The following PRKG1 variants were observed in gnomAD, a reference collection of about 807,000 sequenced individuals.
PRKG1 encodes protein kinase cGMP-dependent 1, also known as cGMP-dependent protein kinase 1.
PRKG1 carries 35 observed loss-of-function variants against 88.1 expected under a neutral mutation model. The observed-to-expected ratio is 0.40, with a 90% CI of 0.30 to 0.53. The LOEUF is 0.53. Ranked by LOEUF, PRKG1 falls within the 20% of genes least tolerant of loss-of-function variation. The probability of loss-of-function intolerance (pLI) is 0.59; values close to 1 mark genes in which losing one functional copy is unlikely to be tolerated. For missense variants in PRKG1, 540 were observed against 839.8 expected (o/e 0.64, Z 4.41); for synonymous variants, 303 against 292.5 (o/e 1.04, Z -0.37).
chr10:52,224,050 T>C (rs1243147467), intron 9 of PRKG1, among the ~76,000 whole-genome samples: 1 of 152,112 alleles, frequency 6.6e-6, no homozygotes, highest in Non-Finnish European at 1.5e-5. Context: ...TAATATAAAT[T>C]AGAGGACAAA....
intron 1 of PRKG1, among the ~76,000 whole-genome samples, chr10:51,000,745 T>A (rs1013926752): frequency 4.0e-5 from 6 of 150,768 alleles, no homozygotes; most frequent in Non-Finnish European, 8.9e-5. Context: ...GTTCATAGAT[T>A]TTTTTTTTTA....
At chr10:51,215,704 T>G (rs1838354571) in intron 2 of PRKG1, among the ~76,000 whole-genome samples, 1 of 152,354 alleles carries the variant, frequency 6.6e-6, no homozygotes, top group South Asian at 2.1e-4. Flanking sequence ...TCCATCCCTC[T>G]CTTCTTCCCT....
intron 4 of PRKG1, among the ~76,000 whole-genome samples, chr10:51,871,140 T>G (rs1841147334): frequency 6.6e-6 from 1 of 152,196 alleles, no homozygotes; most frequent in South Asian, 2.1e-4. Flanking sequence ...TGTGGGTCAT[T>G]TAATTGATTT....
intron 4 of PRKG1, 74 bp downstream of exon 4, chr10:51,804,764 G>A: frequency 9.6e-7 from 1 of 1,037,854 alleles, no homozygotes; most frequent in South Asian, 1.4e-5. Context: ...GCAGCACCCT[G>A]AATTTCAGGG....
At chr10:52,284,530 A>G (rs1842069822) in intron 14 of PRKG1, among the ~76,000 whole-genome samples, 2 of 151,984 alleles carry the variant, frequency 1.3e-5, no homozygotes, top group South Asian at 4.1e-4. Context: ...TAAAACAAGT[A>G]GGATGATCTT....
chr10:51,744,829 C>T (rs1316403985), intron 3 of PRKG1, among the ~76,000 whole-genome samples: 4 of 152,126 alleles, frequency 2.6e-5, no homozygotes, highest in Admixed American at 6.5e-5. Flanking sequence ...ACAAGCACAT[C>T]GACCTGTAGA....
chr10:51,952,127 T>C (rs1843199628), intron 5 of PRKG1, among the ~76,000 whole-genome samples: 1 of 152,174 alleles, frequency 6.6e-6, no homozygotes, highest in Non-Finnish European at 1.5e-5. Context: ...AGCTTGCCAA[T>C]CCCTCTGCTA....
chr10:51,036,743 A>G (rs1286728454), intron 1 of PRKG1, among the ~76,000 whole-genome samples: 1 of 152,202 alleles, frequency 6.6e-6, no homozygotes, highest in East Asian at 1.9e-4. Context: ...AAATAATCCA[A>G]TTCCAAGTTT....
At chr10:50,997,355 A>T (rs1440730282) in intron 1 of PRKG1, among the ~76,000 whole-genome samples, 2 of 152,150 alleles carry the variant, frequency 1.3e-5, no homozygotes, top group African/African-American at 4.8e-5. Flanking sequence ...AATTACCAAT[A>T]TATGCACAGG....
In PRKG1 at chr10:51,188,604, G is replaced by A. The variant is rs1036144604; in HGVS notation, c.478+35274G>A. Among the ~76,000 whole-genome samples the A allele has an allele frequency of 2.4e-4, 37 of 151,958 alleles. 1 individual carries two copies. The highest frequency in any genetic ancestry group is 2.1e-3 in the Admixed American group (32 of 15,216). On this transcript the variant is annotated intron_variant, in intron 2 of 17. Coordinates refer to ENST00000373980, the MANE Select transcript of PRKG1 (RefSeq NM_006258.4). ...AAGAAGATCCTTCAGAAAACAACTC[G>A]AGACACAGTCACATTTTAAAATGAC...
At chr10:52,041,959 T>C (rs1325185452) in intron 5 of PRKG1, among the ~76,000 whole-genome samples, 1 of 151,956 alleles carries the variant, frequency 6.6e-6, no homozygotes, top group Non-Finnish European at 1.5e-5. Context: ...AATAATAGCT[T>C]CACACACACA....
chr10:51,814,606 G>C (rs1197120115), intron 4 of PRKG1, among the ~76,000 whole-genome samples: 1 of 152,046 alleles, frequency 6.6e-6, no homozygotes, highest in Non-Finnish European at 1.5e-5. Context: ...TAAATAAAGA[G>C]GCACTTTCTC....
intron 5 of PRKG1, among the ~76,000 whole-genome samples, chr10:52,053,667 C>A (rs1359303818): frequency 6.6e-6 from 1 of 152,132 alleles, no homozygotes; most frequent in South Asian, 2.1e-4. Flanking sequence ...TAATCTTCAC[C>A]CTGGAAACAG....
intron 4 of PRKG1, among the ~76,000 whole-genome samples, chr10:51,865,445 AT>A (rs1404314458): frequency 6.6e-6 from 1 of 152,128 alleles, no homozygotes; most frequent in Non-Finnish European, 1.5e-5. Flanking sequence ...GGCATTAAGC[AT>A]TATTTTCATT....
chr10:51,999,603 T>C (rs1844542018), intron 5 of PRKG1, among the ~76,000 whole-genome samples: 1 of 152,142 alleles, frequency 6.6e-6, no homozygotes, highest in African/African-American at 2.4e-5. Flanking sequence ...AGAACTAAGG[T>C]GGCTTTTCTT....
chr10:51,557,627 A>G (rs1837347868), intron 3 of PRKG1, among the ~76,000 whole-genome samples: 1 of 152,088 alleles, frequency 6.6e-6, no homozygotes, highest in South Asian at 2.1e-4. Flanking sequence ...TGATGAACGT[A>G]CTATAACTCT....
At chr10:51,521,808 A>G (rs184008863) in intron 3 of PRKG1, among the ~76,000 whole-genome samples, 4 of 152,358 alleles carry the variant, frequency 2.6e-5, no homozygotes, top group East Asian at 1.9e-4. Flanking sequence ...TCATTTCAGT[A>G]CTGTAAATGA....
chr10:51,349,633 A>T (rs1842197099), intron 2 of PRKG1, among the ~76,000 whole-genome samples: 1 of 151,416 alleles, frequency 6.6e-6, no homozygotes, highest in African/African-American at 2.4e-5. Context: ...TAGCCTCCCA[A>T]ATAGCTGGGA....
At chr10:51,008,365 G>A (rs887151710) in intron 1 of PRKG1, among the ~76,000 whole-genome samples, 1 of 152,080 alleles carries the variant, frequency 6.6e-6, no homozygotes, top group Non-Finnish European at 1.5e-5. Context: ...CCACAAACTG[G>A]GTGGCTTCAA....
Sources: gnomAD v4.1 joint callset for allele counts (sites outside exome capture counted in the v4.1 genomes callset) on GRCh38, gnomAD v4.1.1 for gene constraint, MANE v1.5 for transcripts, NCBI Gene and HGNC (gene_info 2026-07-23, HGNC 2026-07-21) for gene names.